RIN3: variants seen among roughly 807,000 people sequenced by gnomAD.
The protein encoded by RIN3 is Ras and Rab interactor 3.
Under a neutral mutation model 76.3 loss-of-function variants are expected in RIN3, and 54 were observed. The ratio of observed to expected loss-of-function variants is 0.71; its 90% CI spans 0.57 to 0.89. The LOEUF is 0.89. Ranked by LOEUF, RIN3 falls within the 40% of genes least tolerant of loss-of-function variation. The pLI is 0.00. For synonymous variants in RIN3, 576 were observed against 564.0 expected (o/e 1.02, Z -0.30); for missense variants, 1,256 against 1,322.1 (o/e 0.95, Z 0.78).
intron 5 of RIN3, among the ~76,000 whole-genome samples, chr14:92,646,498 G>A (rs928119227): frequency 3.9e-5 from 6 of 152,296 alleles, no homozygotes; most frequent in East Asian, 3.9e-4. Context: ...GCAGTGGCAC[G>A]ATCTCAGCTC....
At chr14:92,592,680 ATTATTATTATTG>A (rs1294349775) in intron 3 of RIN3, among the ~76,000 whole-genome samples, 115 of 107,132 alleles carry the variant, frequency 1.1e-3, no homozygotes, top group Non-Finnish European at 1.5e-3. Flanking sequence ...TATTATTATT[ATTATTATTATTG>A]TGAGACAGAG....
chr14:92,604,842 A>G (rs2140092525), intron 3 of RIN3, among the ~76,000 whole-genome samples: 1 of 145,772 alleles, frequency 6.9e-6, no homozygotes, highest in South Asian at 2.2e-4. Context: ...CCCAGGGCCC[A>G]TATACCGGCA....
At chr14:92,609,076 A>G (rs1016846058) in intron 3 of RIN3, among the ~76,000 whole-genome samples, 1 of 152,088 alleles carries the variant, frequency 6.6e-6, no homozygotes. Flanking sequence ...AGTCCGTTCT[A>G]TCACTCTTAT....
intron 1 of RIN3, among the ~76,000 whole-genome samples, chr14:92,549,026 C>G (rs929127566): frequency 1.3e-5 from 2 of 152,094 alleles, no homozygotes; most frequent in African/African-American, 2.4e-5. Flanking sequence ...CCACGCCGGC[C>G]CCTGCACTCC....
intron 7 of RIN3, among the ~76,000 whole-genome samples, chr14:92,669,083 C>T (rs571749623): frequency 1.3e-5 from 2 of 152,296 alleles, no homozygotes; most frequent in African/African-American, 4.8e-5. Flanking sequence ...ATTAAATAAG[C>T]AAGCATCTTG....
intron 3 of RIN3, among the ~76,000 whole-genome samples, chr14:92,600,216 A>G (rs946564332): frequency 6.6e-6 from 1 of 152,244 alleles, no homozygotes; most frequent in African/African-American, 2.4e-5. Context: ...GTGCAGGCAC[A>G]TGATAAAAAG....
chr14:92,652,445 A>C lies in RIN3; in HGVS notation c.1396A>C (p.Ile466Leu), dbSNP rs139248637. ...PPVPPPRKKRISRQLASTLPA... is the reference protein window; with the variant it reads ...PPVPPPRKKRLSRQLASTLPA... The stretch of plus-strand genomic sequence containing the variant: ...AGTCCCGCCCCCCAGGAAAAAACGG[A>C]TCTCTCGACAACTGGCCTCGACCCT... The change falls in exon 6 of 10, where the codon ATC (isoleucine) becomes CTC (leucine). Residue 466 changes from isoleucine to leucine, a missense_variant. Ile to Leu is a conservative substitution (Grantham distance 5). Transcript: ENST00000216487. This position sits in a 1 kb window ranked among gnomAD's most constrained non-coding sequence, Gnocchi z 6.4. The C allele has an allele frequency of 2.8e-3, 4,555 of 1,613,838 alleles. 36 individuals carry two copies. Among genetic ancestry groups the C allele is most frequent in the Middle Eastern group, 0.025 (154 of 6,062 alleles).
At chr14:92,574,073 C>T (rs574098907) in intron 2 of RIN3, among the ~76,000 whole-genome samples, 54 of 152,298 alleles carry the variant, frequency 3.5e-4, no homozygotes, top group Non-Finnish European at 6.2e-4. Flanking sequence ...GGGGTAATAC[C>T]TGAGGTTTGT....
intron 7 of RIN3, among the ~76,000 whole-genome samples, chr14:92,666,051 A>AC (rs1197517321): frequency 1.3e-5 from 2 of 151,438 alleles, no homozygotes; most frequent in South Asian, 2.1e-4. Flanking sequence ...TCCACCACTG[A>AC]CCTACTTCCT....
At chr14:92,528,942 G>A (rs117174271) in intron 1 of RIN3, among the ~76,000 whole-genome samples, 2,502 of 152,196 alleles carry the variant, frequency 0.016, 29 homozygotes, top group Non-Finnish European at 0.025. Context: ...GCCTCTGATG[G>A]AAGCTGACAG....
At chr14:92,540,053 G>A (rs2140014632) in intron 1 of RIN3, among the ~76,000 whole-genome samples, 1 of 152,370 alleles carries the variant, frequency 6.6e-6, no homozygotes, top group South Asian at 2.1e-4. Flanking sequence ...GAGTCAGGAA[G>A]GCAAGACTGG....
intron 4 of RIN3, among the ~76,000 whole-genome samples, chr14:92,630,523 G>A (rs1209893460): frequency 3.9e-5 from 6 of 152,192 alleles, no homozygotes; most frequent in Admixed American, 3.3e-4. Context: ...CCCACACCCA[G>A]TCAGTGCCCT....
intron 4 of RIN3, among the ~76,000 whole-genome samples, chr14:92,625,826 G>A (rs1321792122): frequency 1.3e-5 from 2 of 152,146 alleles, no homozygotes; most frequent in Non-Finnish European, 2.9e-5. Context: ...GATAGCATAA[G>A]TTTCATTTTT....
At chr14:92,538,456 C>T (rs1198485947) in intron 1 of RIN3, among the ~76,000 whole-genome samples, 1 of 152,184 alleles carries the variant, frequency 6.6e-6, no homozygotes, top group Non-Finnish European at 1.5e-5. Context: ...GGCTTGGGCA[C>T]ACTGTGGTAG....
At chr14:92,666,029 G>A (rs922834500) in intron 7 of RIN3, among the ~76,000 whole-genome samples, 13 of 146,032 alleles carry the variant, frequency 8.9e-5, no homozygotes, top group Non-Finnish European at 7.4e-5. Flanking sequence ...TCCAGCCCGA[G>A]TCCCGCCTAC....
chr14:92,617,568 T>G (rs1157170345), intron 4 of RIN3, among the ~76,000 whole-genome samples: 3 of 152,166 alleles, frequency 2.0e-5, no homozygotes, highest in African/African-American at 7.2e-5. Flanking sequence ...ATTTAAAACC[T>G]TTGAGAGAAT....
chr14:92,611,201 G>C (rs557256605), intron 3 of RIN3, among the ~76,000 whole-genome samples: 1 of 152,290 alleles, frequency 6.6e-6, no homozygotes, highest in South Asian at 2.1e-4. Context: ...GGCATTCCTT[G>C]GCTGGCATTC....
At chr14:92,523,916 G>T (rs1216436495) in intron 1 of RIN3, among the ~76,000 whole-genome samples, 1 of 152,190 alleles carries the variant, frequency 6.6e-6, no homozygotes, top group Non-Finnish European at 1.5e-5. Context: ...CTGGAGACCG[G>T]GTGCAGTGGC....
rs1362444179 is a variant in RIN3, at chr14:92,659,427, A to G, written c.2293A>G (p.Thr765Ala). The change falls in exon 7 of 10, where the codon ACC becomes GCC. Residue 765 changes from threonine (T) to alanine (A), a missense_variant. Transcript: ENST00000216487. ...PEKKISILLK[T>A]CKLIYDSMAL... The stretch of plus-strand genomic sequence containing the variant: ...GAAGAAGATCTCCATCCTGCTCAAG[A>G]CCTGCAAACTCATCTACGACTCCAT... 3.1e-6 allele frequency: 5 copies of G among 1,612,858 alleles called. No individual in the cohort carries two copies. The highest frequency in any genetic ancestry group is 4.2e-6 in the Non-Finnish European group (5 of 1,179,316).
Sources: gnomAD v4.1 joint callset for allele counts (sites outside exome capture counted in the v4.1 genomes callset) on GRCh38, gnomAD v4.1.1 for gene constraint, Gnocchi (gnomAD v3.1) non-coding constraint, MANE v1.5 for transcripts, NCBI Gene and HGNC (gene_info 2026-07-23, HGNC 2026-07-21) for gene names.